MTFR1: variants seen among roughly 807,000 people sequenced by gnomAD.
The protein encoded by MTFR1 is chondrocyte protein with a poly-proline region.
A neutral mutation model predicts 38.8 loss-of-function variants in MTFR1; 28 were observed. That is an observed-to-expected ratio of 0.72 (90% confidence interval 0.53 to 0.99). The LOEUF is 0.99. Ranked by LOEUF, MTFR1 falls within the 50% of genes least tolerant of loss-of-function variation. The pLI, the probability that MTFR1 is intolerant of heterozygous loss-of-function variation, is 0.00. For missense variants in MTFR1, 358 were observed against 395.5 expected (o/e 0.91, Z 0.81); for synonymous variants, 145 against 137.0 (o/e 1.06, Z -0.41).
chr8:65,755,410 T>C (rs1359033204), intron 3 of MTFR1, among the ~76,000 whole-genome samples: 2 of 152,210 alleles, frequency 1.3e-5, no homozygotes, highest in Non-Finnish European at 2.9e-5. Context: ...TTTGTGTATT[T>C]TTAAATTTAC....
rs756559485 is a variant in MTFR1 at position 65,747,756 on chromosome 8, G to A, written c.*49-23191G>A. 8 of 1,609,106 alleles carry A rather than the reference G, an allele frequency of 5.0e-6. No homozygotes were observed. The East Asian group carries it at 1.6e-4, about 31-fold the overall frequency. On this transcript the variant is annotated intron_variant, in intron 3 of 3. Transcript: ENST00000521247. ...CTAAGATATCGCTGGAAACTTAGTA[G>A]CCTTCTGATATTCCTTGCAGAGACA...
At chr8:65,766,693 T>G (rs1318653942) in intron 3 of MTFR1, among the ~76,000 whole-genome samples, 1 of 152,194 alleles carries the variant, frequency 6.6e-6, no homozygotes, top group Non-Finnish European at 1.5e-5. Context: ...TCCTCCCAAT[T>G]TGTTGGGGCT....
At chr8:65,746,097 A>ATT (rs374802114) in intron 3 of MTFR1, among the ~76,000 whole-genome samples, 53 of 141,300 alleles carry the variant, frequency 3.8e-4, no homozygotes, top group Non-Finnish European at 5.3e-4. Flanking sequence ...TACCTGGCTA[A>ATT]TTTTTTTTTT....
At chr8:65,656,018 A>G (rs1222402471) in intron 1 of MTFR1, among the ~76,000 whole-genome samples, 1 of 94,132 alleles carries the variant, frequency 1.1e-5, no homozygotes, top group Non-Finnish European at 2.3e-5. Context: ...ACAACTAAAC[A>G]TTGTGACAAG....
At chr8:65,656,961 C>T (rs1379061003) in intron 1 of MTFR1, among the ~76,000 whole-genome samples, 1 of 151,816 alleles carries the variant, frequency 6.6e-6, no homozygotes, top group African/African-American at 2.4e-5. Context: ...TAACTTTCAA[C>T]TGAATACTTT....
intron 3 of MTFR1, among the ~76,000 whole-genome samples, chr8:65,723,785 A>G (rs1806493157): frequency 6.6e-6 from 1 of 152,198 alleles, no homozygotes; most frequent in Admixed American, 6.5e-5. Context: ...AGTTATTTAC[A>G]CATAGAAGAG....
intron 1 of MTFR1, among the ~76,000 whole-genome samples, chr8:65,666,427 C>T (rs942856001): frequency 5.3e-5 from 8 of 152,060 alleles, no homozygotes; most frequent in Non-Finnish European, 8.8e-5. Flanking sequence ...AAAAACAAAA[C>T]GCTCAAAATT....
intron 2 of MTFR1, among the ~76,000 whole-genome samples, chr8:65,672,998 C>A (rs556550529): frequency 3.3e-5 from 5 of 152,176 alleles, no homozygotes; most frequent in African/African-American, 1.2e-4. Flanking sequence ...TTTAAATTTC[C>A]TTCAAGAACT....
rs781081069 is a variant in MTFR1 at position 65,669,965 on chromosome 8, A to C, written c.13A>C (p.Ile5Leu). MLGW[I>L]KRLIRMVFQQ... The stretch of plus-strand genomic sequence containing the variant: ...CTTTGCCATATAAATGCTTGGCTGG[A>C]TTAAGCGCCTAATTAGGATGGTTTT... The change falls in exon 2 of 8, where the codon ATT becomes CTT. Residue 5 changes from isoleucine (I) to leucine (L), a missense_variant. Physicochemically the swap from Ile to Leu is conservative, Grantham distance 5 (BLOSUM62 2). Transcript: ENST00000262146. 58 of 1,603,662 alleles carry C rather than the reference A, an allele frequency of 3.6e-5. No homozygotes were observed. The South Asian group carries it at 6.5e-4, about 18-fold the overall frequency.
intron 1 of MTFR1, among the ~76,000 whole-genome samples, chr8:65,652,478 C>G (rs1809150204): frequency 6.6e-6 from 1 of 152,146 alleles, no homozygotes; most frequent in East Asian, 1.9e-4. Context: ...AAGTGATCCT[C>G]CTGCTTTGGC....
intron 3 of MTFR1, among the ~76,000 whole-genome samples, chr8:65,687,237 T>G (rs956056457): frequency 6.6e-6 from 1 of 152,182 alleles, no homozygotes; most frequent in African/African-American, 2.4e-5. Context: ...AGAGTAGATT[T>G]TAAGTGTTTT....
intron 3 of MTFR1, among the ~76,000 whole-genome samples, chr8:65,751,530 T>C (rs1321929251): frequency 6.6e-6 from 1 of 152,178 alleles, no homozygotes; most frequent in Non-Finnish European, 1.5e-5. Context: ...TTGTTGTTCA[T>C]TCTTGTTGCT....
chr8:65,697,965 T>C (rs1805492305), intron 4 of MTFR1, among the ~76,000 whole-genome samples: 1 of 152,144 alleles, frequency 6.6e-6, no homozygotes, highest in Admixed American at 6.5e-5. Flanking sequence ...TTTTCATACA[T>C]TTAATGGGGT....
downstream of MTFR1, among the ~76,000 whole-genome samples, chr8:65,775,159 G>A (rs1481423511): frequency 6.6e-6 from 1 of 152,094 alleles, no homozygotes; most frequent in Non-Finnish European, 1.5e-5. Context: ...TAGTTTTTGA[G>A]TATGCACGTT....
At chr8:65,769,814 T>G (rs1453290424) in intron 3 of MTFR1, among the ~76,000 whole-genome samples, 1 of 152,156 alleles carries the variant, frequency 6.6e-6, no homozygotes, top group East Asian at 1.9e-4. Context: ...GAGAATTGCT[T>G]GAACCCAGGA....
At chr8:65,771,221 C>T (rs532691078) in exon 4 of MTFR1, 83 of 158,132 alleles carry the variant, frequency 5.2e-4, no homozygotes, top group African/African-American at 1.9e-3. Context: ...TAAACCCAAA[C>T]GTTGCTTATA....
At chr8:65,723,684 A>C (rs987343352) in intron 3 of MTFR1, 1 of 1,203,224 alleles carries the variant, frequency 8.3e-7, no homozygotes, top group African/African-American at 1.6e-5. Context: ...TATATAATTA[A>C]AGGCTTGAAC....
intron 3 of MTFR1, 118 bp downstream of exon 3, chr8:65,682,569 C>A: frequency 3.4e-6 from 2 of 592,726 alleles, no homozygotes; most frequent in Non-Finnish European, 2.3e-6. Context: ...ATGCCACTAT[C>A]AATACAATAG....
At chr8:65,662,085 C>CCTCTCT (rs1809441993) in intron 1 of MTFR1, among the ~76,000 whole-genome samples, 13 of 83,642 alleles carry the variant, frequency 1.6e-4, no homozygotes, top group Admixed American at 6.1e-4. Flanking sequence ...CCACAGTCTC[C>CCTCTCT]CTCTCCCTCT....
Sources: gnomAD v4.1 joint callset for allele counts (sites outside exome capture counted in the v4.1 genomes callset) on GRCh38, gnomAD v4.1.1 for gene constraint, MANE v1.5 for transcripts, NCBI Gene and HGNC (gene_info 2026-07-23, HGNC 2026-07-21) for gene names.